KPNA3: variants seen among roughly 807,000 people sequenced by gnomAD.
KPNA3 encodes the protein importin subunit alpha-4.
Under a neutral mutation model 73.8 loss-of-function variants are expected in KPNA3, and 13 were observed. That is an observed-to-expected ratio of 0.18 (90% CI 0.11 to 0.28). The LOEUF is 0.28. Ranked by LOEUF, KPNA3 falls within the 10% of genes least tolerant of loss-of-function variation. KPNA3 has a pLI of 1.00. For synonymous variants in KPNA3, 186 were observed against 206.9 expected, an observed-to-expected ratio of 0.90 and a Z score of 0.87; for missense variants, 360 against 618.1, an observed-to-expected ratio of 0.58 and a Z score of 4.43.
Position 49,701,847 on chromosome 13 carries a change from T to A in KPNA3, c.1519A>T (p.Asn507Tyr). The A allele has an allele frequency of 6.2e-7, 1 of 1,613,822 alleles. No homozygotes were observed. Among genetic ancestry groups the A allele is most frequent in the South Asian group, 1.1e-5 (1 of 91,080 alleles). The change falls in exon 17 of 17, where the codon AAT (asparagine) becomes TAT (tyrosine). Residue 507 changes from asparagine to tyrosine, a missense_variant. By Grantham distance (143) the Asn-to-Tyr change is moderately radical (BLOSUM62 -2). Transcript: ENST00000261667. ...TGAAGGTTGGCTGTTGGATCAAAAT[T>A]GTAGGTACCTCCTTGTGTTGCTTCA... is the stretch of plus-strand genomic sequence containing the variant. ...IPEATQGGTYNFDPTANLQTK... is the reference protein window; with the variant it reads ...IPEATQGGTYYFDPTANLQTK...
intron 1 of KPNA3, among the ~76,000 whole-genome samples, chr13:49,768,591 T>A (rs964177734): frequency 7.6e-5 from 8 of 105,216 alleles, no homozygotes; most frequent in African/African-American, 2.2e-4. Context: ...TTTTTTTTTT[T>A]TTTTTAGCAT....
rs767595037 is a variant in KPNA3 at position 49,702,492 on chromosome 13, A to G, written c.1373-12T>C. ...AATTTTCTCCAAACCTGGTAAAAAT[A>G]AAATAATCAAAATAACTGGTTAATT... On this transcript the variant is annotated splice_polypyrimidine_tract_variant and intron_variant, in intron 15 of 16. Coordinates refer to ENST00000261667, the MANE Select transcript of KPNA3 (RefSeq NM_002267.4). 3 of 1,305,310 alleles carry G rather than the reference A, an allele frequency of 2.3e-6. No homozygotes were observed. Among genetic ancestry groups the G allele is most frequent in the Non-Finnish European group, 3.3e-6 (3 of 913,574 alleles). The allele number at this position is 1,305,310 out of a possible 1,614,324, so 80.9% of individuals were successfully genotyped here.
intron 1 of KPNA3, among the ~76,000 whole-genome samples, chr13:49,778,201 T>C (rs1414863391): frequency 1.3e-5 from 2 of 152,246 alleles, no homozygotes; most frequent in African/African-American, 4.8e-5. Context: ...TATTTGAAGT[T>C]CAGTCTAAAG....
chr13:49,715,747 A>C (rs373469306), intron 10 of KPNA3, among the ~76,000 whole-genome samples: 1 of 152,236 alleles, frequency 6.6e-6, no homozygotes, highest in South Asian at 2.1e-4. Context: ...ATGCAACGAA[A>C]TTACAAATGC....
chr13:49,769,648 T>A (rs1473529603), intron 1 of KPNA3, among the ~76,000 whole-genome samples: 1 of 152,240 alleles, frequency 6.6e-6, no homozygotes, highest in Admixed American at 6.5e-5. Context: ...TTCTACTGTA[T>A]GGACATACCC....
chr13:49,737,967 G>A (rs1411401211), intron 2 of KPNA3, among the ~76,000 whole-genome samples: 3 of 151,968 alleles, frequency 2.0e-5, no homozygotes, highest in Admixed American at 6.6e-5. Flanking sequence ...TTAGGCTTTC[G>A]TGGCCAAATA....
chr13:49,714,590 C>T (rs775611279), intron 10 of KPNA3, among the ~76,000 whole-genome samples: 32 of 152,018 alleles, frequency 2.1e-4, no homozygotes, highest in South Asian at 4.1e-4. Context: ...GTACCAAATC[C>T]CCAAAGGATT....
At chr13:49,771,509 C>T (rs1312111977) in intron 1 of KPNA3, among the ~76,000 whole-genome samples, 1 of 152,194 alleles carries the variant, frequency 6.6e-6, no homozygotes, top group Non-Finnish European at 1.5e-5. Flanking sequence ...CGCTGGAGTG[C>T]CAGTGGCGCA....
chr13:49,717,120 T>C (rs2137540375), intron 10 of KPNA3, among the ~76,000 whole-genome samples: 1 of 152,326 alleles, frequency 6.6e-6, no homozygotes, highest in East Asian at 1.9e-4. Context: ...AAACTTTCCC[T>C]ACTTCAAACC....
intron 6 of KPNA3, among the ~76,000 whole-genome samples, chr13:49,728,508 A>G (rs530901908): frequency 3.3e-5 from 5 of 152,338 alleles, no homozygotes; most frequent in African/African-American, 7.2e-5. Context: ...AGAGCTTCCA[A>G]TGAAAATTTT....
At chr13:49,742,225 A>T (rs1954580490) in intron 2 of KPNA3, among the ~76,000 whole-genome samples, 1 of 152,138 alleles carries the variant, frequency 6.6e-6, no homozygotes, top group Non-Finnish European at 1.5e-5. Flanking sequence ...ATTTCTGGTG[A>T]AATAAATTCT....
rs1169548169 is a variant in KPNA3, at chr13:49,705,529, T to G, written c.1372+92A>C. On this transcript the variant is annotated intron_variant, in intron 15 of 16. Coordinates refer to ENST00000261667, the MANE Select transcript of KPNA3 (RefSeq NM_002267.4). ...GTGATCATTTAAAAACAACGTATCC[T>G]AGTAATTTTCTGTCTAGTAAGTTGA... 3.3e-6 allele frequency: 4 copies of G among 1,222,894 alleles called. No individual in the cohort carries two copies. In the African/African-American group the frequency reaches 6.0e-5, roughly 18 times the overall value. 75.8% of individuals were successfully genotyped at this position (1,222,894 alleles called of 1,614,324 possible). A position where few individuals can be genotyped will look rare whatever the true frequency, so the allele number is the denominator to read the frequency against.
chr13:49,781,768 A>G lies in KPNA3; in HGVS notation c.69+10670T>C, dbSNP rs370732567. Among the ~76,000 whole-genome samples the G allele has an allele frequency of 1.4e-4, 22 of 152,340 alleles. 1 individual carries two copies. The South Asian group carries it at 4.1e-3, about 29-fold the overall frequency. On this transcript the variant is annotated intron_variant, in intron 1 of 16. Transcript: ENST00000261667. ...TCTGTTTGAACACTGAAAGTCCTGT[A>G]TACTGGGAACTACCTCAGTTCCAGG...
chr13:49,752,187 C>T (rs1954668652), intron 1 of KPNA3, among the ~76,000 whole-genome samples: 1 of 152,104 alleles, frequency 6.6e-6, no homozygotes, highest in South Asian at 2.1e-4. Context: ...TGGAGCTAGA[C>T]ACAAAATCAA....
In KPNA3 at chr13:49,792,521, CCGGCGGCGGCTACTCCTGCGGCTGCGG is replaced by C. The variant is rs1321256313; in HGVS notation, c.-42_-16del. On this transcript the variant is annotated 5_prime_UTR_variant, in exon 1 of 17. Coordinates refer to ENST00000261667, the MANE Select transcript of KPNA3 (RefSeq NM_002267.4). ...TTCTCGGCCATGGCTGCGCGCGGCT[CCGGCGGCGGCTACTCCTGCGGCTGCGG>C]CGGCGGCGGCGGCGAATCTTGGAGC... 1.8e-5 allele frequency: 27 copies of C among 1,534,362 alleles called. No individual in the cohort carries two copies. The highest frequency in any genetic ancestry group is 1.0e-4 in the South Asian group (9 of 86,742).
intron 12 of KPNA3, among the ~76,000 whole-genome samples, chr13:49,707,998 CTT>C (rs67141719): frequency 1.4e-3 from 170 of 121,702 alleles, no homozygotes; most frequent in Middle Eastern, 4.2e-3. Flanking sequence ...TTCTTTTTTC[CTT>C]TTTTTTTTTT....
chr13:49,734,954 T>TAGAGAG (rs10675449), intron 2 of KPNA3, among the ~76,000 whole-genome samples: 28,725 of 145,728 alleles, frequency 0.2, 3,193 homozygotes, highest in Middle Eastern at 0.26. Flanking sequence ...GAGAGATAGA[T>TAGAGAG]AGAGAGAGAG....
chr13:49,721,794 T>C (rs911581616), intron 9 of KPNA3, among the ~76,000 whole-genome samples, 161 bp downstream of exon 9: 3 of 152,196 alleles, frequency 2.0e-5, no homozygotes, highest in African/African-American at 7.2e-5. Flanking sequence ...CACTCCAGCC[T>C]GGGCGACAGA....
rs183022140 is a variant in KPNA3 at position 49,740,682 on chromosome 13, G to C, written c.114+6267C>G. The stretch of plus-strand genomic sequence containing the variant: ...TTCTTTTGTAAATTGCCCAGTTTCA[G>C]GTATGTCTTTATCAGCAACGTGAAA... On this transcript the variant is annotated intron_variant, in intron 2 of 16. Transcript: ENST00000261667. 1.1e-3 allele frequency among the ~76,000 whole-genome samples: 175 copies of C among 152,212 alleles called. 1 individual carries two copies. Among genetic ancestry groups the C allele is most frequent in the African/African-American group, 4.0e-3 (168 of 41,530 alleles).
Sources: allele counts gnomAD v4.1 joint callset (sites outside exome capture counted in the v4.1 genomes callset), GRCh38; gene constraint gnomAD v4.1.1; transcripts MANE v1.5; gene names NCBI Gene and HGNC (gene_info 2026-07-23, HGNC 2026-07-21).